ADAMTS6: variants seen among roughly 807,000 people sequenced by gnomAD.
ADAMTS6 encodes ADAM metallopeptidase with thrombospondin type 1 motif 6, also known as A disintegrin and metalloproteinase with thrombospondin motifs 6.
A neutral mutation model predicts 144.3 loss-of-function variants in ADAMTS6; 23 were observed. The observed-to-expected ratio is 0.16, with a 90% CI of 0.11 to 0.23. The LOEUF (loss-of-function observed/expected upper bound fraction) is 0.23. Ranked by LOEUF, ADAMTS6 falls within the 10% of genes least tolerant of loss-of-function variation. The probability of loss-of-function intolerance (pLI) is 1.00; values close to 1 mark genes in which losing one functional copy is unlikely to be tolerated. For missense variants in ADAMTS6, 999 were observed against 1,379.6 expected (o/e 0.72, Z 4.37); for synonymous variants, 444 against 457.5 (o/e 0.97, Z 0.38).
At chr5:65,419,690 A>G (rs1437347375) in intron 7 of ADAMTS6, among the ~76,000 whole-genome samples, 1 of 152,256 alleles carries the variant, frequency 6.6e-6, no homozygotes, top group African/African-American at 2.4e-5. Context: ...ATGCTACCAT[A>G]TAAATGAATC....
At chr5:65,441,384 G>A (rs549945753) in intron 7 of ADAMTS6, among the ~76,000 whole-genome samples, 2 of 152,140 alleles carry the variant, frequency 1.3e-5, no homozygotes, top group South Asian at 2.1e-4. Context: ...ACCAAAGCAA[G>A]GCAAGAAGGG....
intron 7 of ADAMTS6, among the ~76,000 whole-genome samples, chr5:65,374,016 T>C (rs370935112): frequency 6.6e-6 from 1 of 152,246 alleles, no homozygotes; most frequent in African/African-American, 2.4e-5. Context: ...ACCACATGAT[T>C]ATCTCAATAG....
chr5:65,393,508 G>A (rs1022129104), intron 7 of ADAMTS6, among the ~76,000 whole-genome samples: 2 of 152,050 alleles, frequency 1.3e-5, no homozygotes, highest in African/African-American at 4.8e-5. Context: ...GGTGTATTAG[G>A]ACATTTCATT....
chr5:65,451,709 T>C, intron 6 of ADAMTS6, 89 bp from the exon 7 acceptor site: 2 of 1,454,080 alleles, frequency 1.4e-6, no homozygotes, highest in Non-Finnish European at 1.9e-6. Flanking sequence ...GGGACTATAA[T>C]TAGAAGCAGT....
intron 11 of ADAMTS6, among the ~76,000 whole-genome samples, chr5:65,281,852 CAA>C (rs1580284387): frequency 2.0e-5 from 3 of 152,014 alleles, no homozygotes; most frequent in Admixed American, 6.6e-5. Flanking sequence ...GATTGTTTCA[CAA>C]AGAGTATAAT....
At chr5:65,207,284 A>C (rs1387087066) in intron 20 of ADAMTS6, among the ~76,000 whole-genome samples, 2 of 152,160 alleles carry the variant, frequency 1.3e-5, no homozygotes, top group Non-Finnish European at 2.9e-5. Flanking sequence ...TCTAGGAAAA[A>C]AAATTGGAGA....
chr5:65,458,651 C>G (rs1759408726), intron 4 of ADAMTS6, among the ~76,000 whole-genome samples: 1 of 152,162 alleles, frequency 6.6e-6, no homozygotes, highest in Non-Finnish European at 1.5e-5. Flanking sequence ...ACCTTGTGAT[C>G]TGCCTGCCTC....
At chr5:65,290,798 AT>A (rs1173812483) in intron 11 of ADAMTS6, among the ~76,000 whole-genome samples, 4 of 151,320 alleles carry the variant, frequency 2.6e-5, no homozygotes, top group African/African-American at 4.8e-5. Flanking sequence ...TGATGCCTAC[AT>A]TTTTTTTTCT....
At chr5:65,419,763 T>C (rs1004124956) in intron 7 of ADAMTS6, among the ~76,000 whole-genome samples, 1 of 152,158 alleles carries the variant, frequency 6.6e-6, no homozygotes, top group African/African-American at 2.4e-5. Context: ...TGTGGTTCCA[T>C]TTAAAGGAAA....
chr5:65,342,736 T>A (rs1329773280), intron 7 of ADAMTS6, among the ~76,000 whole-genome samples: 1 of 152,100 alleles, frequency 6.6e-6, no homozygotes, highest in Non-Finnish European at 1.5e-5. Flanking sequence ...TTGAAGAGCA[T>A]CCAAATTGGA....
intron 11 of ADAMTS6, among the ~76,000 whole-genome samples, chr5:65,285,787 G>C (rs1440792180): frequency 1.3e-5 from 2 of 152,150 alleles, no homozygotes; most frequent in African/African-American, 4.8e-5. Context: ...GTTAGAAAAG[G>C]CCTCATTTAC....
chr5:65,269,366 C>T (rs143026121), intron 12 of ADAMTS6, among the ~76,000 whole-genome samples: 4 of 152,260 alleles, frequency 2.6e-5, no homozygotes, highest in South Asian at 2.1e-4. Flanking sequence ...CAATGTTCTA[C>T]TCACATTGCT....
chr5:65,333,800 T>C (rs977774563), intron 8 of ADAMTS6, among the ~76,000 whole-genome samples: 1 of 151,184 alleles, frequency 6.6e-6, no homozygotes, highest in African/African-American at 2.4e-5. Context: ...ATCATTCCAG[T>C]TGTCAAAAAA....
rs546325776 is a variant in ADAMTS6, at chr5:65,371,953, G to C, written c.1074-37868C>G. ...CAGAAACTCTACAAGCCAGAAGAGAGTGGGCGCCAATATTCAACATTCTTA... is the reference window on the plus strand; with the variant it reads ...CAGAAACTCTACAAGCCAGAAGAGACTGGGCGCCAATATTCAACATTCTTA... On this transcript the variant is annotated intron_variant, in intron 7 of 24. Coordinates refer to ENST00000381055, the MANE Select transcript of ADAMTS6 (RefSeq NM_197941.4). 1.3e-4 allele frequency among the ~76,000 whole-genome samples: 20 copies of C among 152,222 alleles called. No individual in the cohort carries two copies. The East Asian group carries it at 2.9e-3, about 22-fold the overall frequency.
chr5:65,201,727 A>C (rs17813208), intron 20 of ADAMTS6, among the ~76,000 whole-genome samples: 6,160 of 152,272 alleles, frequency 0.04, 192 homozygotes, highest in Middle Eastern at 0.078. Context: ...GTGACATAGC[A>C]CATCATATCT....
intron 7 of ADAMTS6, among the ~76,000 whole-genome samples, chr5:65,381,317 T>C (rs924841962): frequency 6.6e-6 from 1 of 151,674 alleles, no homozygotes; most frequent in Non-Finnish European, 1.5e-5. Flanking sequence ...AATTTGGCTA[T>C]AAGCTTCTAG....
At chr5:65,392,445 A>G (rs1163041041) in intron 7 of ADAMTS6, among the ~76,000 whole-genome samples, 1 of 152,174 alleles carries the variant, frequency 6.6e-6, no homozygotes, top group East Asian at 1.9e-4. Flanking sequence ...GTATTTTACT[A>G]TAAAGAGGAA....
chr5:65,451,629 C>T lies in ADAMTS6; in HGVS notation c.928-9G>A. 1 of 1,612,334 alleles carries T rather than the reference C, an allele frequency of 6.2e-7. No individual in the cohort carries two copies. The highest frequency in any genetic ancestry group is 1.3e-5 in the African/African-American group (1 of 74,938). On this transcript the variant is annotated splice_polypyrimidine_tract_variant and intron_variant, in intron 6 of 24. Transcript: ENST00000381055. ...TTTATCTCCAAGTTTGGCTGCAATA[C>T]AACATGCATACCAGAAATGTTCCAA...
At chr5:65,276,514 A>C (rs1762557598) in intron 11 of ADAMTS6, among the ~76,000 whole-genome samples, 1 of 152,220 alleles carries the variant, frequency 6.6e-6, no homozygotes, top group African/African-American at 2.4e-5. Context: ...ACTCTCTTGA[A>C]AGATAAAAAG....
Sources: allele counts gnomAD v4.1 joint callset (sites outside exome capture counted in the v4.1 genomes callset), GRCh38; gene constraint gnomAD v4.1.1; transcripts MANE v1.5; gene names NCBI Gene and HGNC (gene_info 2026-07-23, HGNC 2026-07-21).